CCNY: variants seen among roughly 807,000 people sequenced by gnomAD.
The protein encoded by CCNY is cyclin-Y.
Under a neutral mutation model 42.8 loss-of-function variants are expected in CCNY, and 19 were observed. That is an observed-to-expected ratio of 0.44 (90% CI 0.31 to 0.65). The LOEUF is 0.65. Among genes scored for constraint, CCNY ranks in the 30% least tolerant of loss-of-function variants. The probability of loss-of-function intolerance (pLI) is 0.07; values close to 1 mark genes in which losing one functional copy is unlikely to be tolerated. For missense variants in CCNY, 370 were observed against 437.3 expected (o/e 0.85, Z 1.37); for synonymous variants, 165 against 162.7 (o/e 1.01, Z -0.11).
chr10:35,386,891 C>T (rs948575364), intron 1 of CCNY, among the ~76,000 whole-genome samples: 1 of 152,024 alleles, frequency 6.6e-6, no homozygotes, highest in Non-Finnish European at 1.5e-5. Context: ...TGGTGCAATT[C>T]TCTGAAAGCG....
intron 3 of CCNY, among the ~76,000 whole-genome samples, chr10:35,319,011 G>A (rs997119210): frequency 3.3e-5 from 5 of 152,256 alleles, no homozygotes; most frequent in South Asian, 2.1e-4. Context: ...CACCTGGGCC[G>A]GAGTGCAGTG....
intron 3 of CCNY, among the ~76,000 whole-genome samples, chr10:35,252,828 G>T (rs2135022274): frequency 6.6e-6 from 1 of 152,244 alleles, no homozygotes; most frequent in East Asian, 1.9e-4. Flanking sequence ...TCGTCTTGTA[G>T]TTTGAGTCTT....
chr10:35,545,923 C>G (rs1841105812), intron 7 of CCNY, among the ~76,000 whole-genome samples: 1 of 151,640 alleles, frequency 6.6e-6, no homozygotes, highest in African/African-American at 2.4e-5. Context: ...ATAATAATTA[C>G]TTTTTTAAAT....
rs1841710500 is a variant in CCNY at position 35,572,646 on chromosome 10, A to C, written c.*3476A>C. ...ATTGTAGGTATTTAATAAATGTTAA[A>C]TAAATATATACATAGAACAAAGTAG... On this transcript the variant is annotated 3_prime_UTR_variant, in exon 10 of 10. Coordinates refer to ENST00000374704, the MANE Select transcript of CCNY (RefSeq NM_145012.6). 6.6e-6 allele frequency: 1 copy of C among 152,256 alleles called. No homozygotes were observed. The highest frequency in any genetic ancestry group is 2.1e-4 in the South Asian group (1 of 4,830). The allele number at this position is 152,256 out of a possible 1,614,324, so 9.4% of individuals were successfully genotyped here. A position where few individuals can be genotyped will look rare whatever the true frequency, so the allele number is the denominator to read the frequency against.
chr10:35,256,256 C>T (rs76991018), intron 3 of CCNY, among the ~76,000 whole-genome samples: 18,930 of 151,976 alleles, frequency 0.12, 1,273 homozygotes, highest in Middle Eastern at 0.16. Flanking sequence ...TGCCTTATAA[C>T]TTTTTTGTCC....
chr10:35,488,537 C>T (rs150725314), intron 2 of CCNY, among the ~76,000 whole-genome samples: 11 of 152,050 alleles, frequency 7.2e-5, no homozygotes, highest in African/African-American at 1.7e-4. Context: ...CTCAGTTGCT[C>T]GGTGTGTCTC....
At chr10:35,489,236 A>G (rs1430974877) in intron 2 of CCNY, among the ~76,000 whole-genome samples, 1 of 152,242 alleles carries the variant, frequency 6.6e-6, no homozygotes, top group Non-Finnish European at 1.5e-5. Context: ...AGATGCCTCT[A>G]TGGGTTGATA....
intron 3 of CCNY, among the ~76,000 whole-genome samples, chr10:35,304,143 A>G (rs1023258442): frequency 6.6e-6 from 1 of 152,148 alleles, no homozygotes; most frequent in Non-Finnish European, 1.5e-5. Context: ...CCTCCTGCAC[A>G]TGGGGGAGCT....
intron 3 of CCNY, among the ~76,000 whole-genome samples, chr10:35,319,263 C>T (rs887164075): frequency 6.6e-6 from 1 of 152,082 alleles, no homozygotes; most frequent in East Asian, 1.9e-4. Flanking sequence ...GCCTGTAATC[C>T]CAACAATTTG....
At chr10:35,448,487 T>G (rs953593907) in intron 1 of CCNY, among the ~76,000 whole-genome samples, 4 of 152,180 alleles carry the variant, frequency 2.6e-5, no homozygotes, top group African/African-American at 9.7e-5. Flanking sequence ...CTAAATAAAT[T>G]GGCATGTGTA....
chr10:35,346,942 G>T (rs1033745049), intron 1 of CCNY, among the ~76,000 whole-genome samples: 2 of 152,180 alleles, frequency 1.3e-5, no homozygotes, highest in African/African-American at 4.8e-5. Flanking sequence ...AGTTTGTAAA[G>T]AAACTTTTTT....
intron 3 of CCNY, among the ~76,000 whole-genome samples, chr10:35,299,412 C>A (rs2135071622): frequency 6.6e-6 from 1 of 152,328 alleles, no homozygotes; most frequent in East Asian, 1.9e-4. Context: ...CTTTCAAATT[C>A]TGTCAGTTTT....
intron 1 of CCNY, among the ~76,000 whole-genome samples, chr10:35,450,509 G>A (rs754198951): frequency 3.3e-5 from 5 of 152,054 alleles, no homozygotes; most frequent in African/African-American, 4.8e-5. Flanking sequence ...CCTGGGAGTT[G>A]TCAGCTTCTT....
chr10:35,489,637 T>A (rs1839858990), intron 2 of CCNY, among the ~76,000 whole-genome samples: 1 of 152,108 alleles, frequency 6.6e-6, no homozygotes, highest in African/African-American at 2.4e-5. Flanking sequence ...ATTTTTATTA[T>A]AGTCATATCA....
At chr10:35,463,224 C>G (rs902719286) in intron 1 of CCNY, among the ~76,000 whole-genome samples, 1 of 152,174 alleles carries the variant, frequency 6.6e-6, no homozygotes, top group Admixed American at 6.5e-5. Flanking sequence ...CCTTATTCAT[C>G]TAAAAAATAG....
intron 3 of CCNY, among the ~76,000 whole-genome samples, chr10:35,305,626 A>G (rs1304226593): frequency 6.6e-6 from 1 of 152,186 alleles, no homozygotes; most frequent in African/African-American, 2.4e-5. Flanking sequence ...CCATGGCTTC[A>G]TCTTCCTAAT....
chr10:35,549,815 C>T (rs1232337497), intron 7 of CCNY, among the ~76,000 whole-genome samples: 1 of 49,196 alleles, frequency 2.0e-5, no homozygotes, highest in African/African-American at 9.2e-5. Flanking sequence ...CTGCGCTGCT[C>T]ATGGCCCATG....
At chr10:35,467,883 G>A (rs894449328) in intron 1 of CCNY, among the ~76,000 whole-genome samples, 1 of 152,174 alleles carries the variant, frequency 6.6e-6, no homozygotes, top group Admixed American at 6.5e-5. Context: ...TCTATACAAT[G>A]CCTAACTCTG....
At chr10:35,545,752 G>C (rs959938459) in intron 7 of CCNY, among the ~76,000 whole-genome samples, 1 of 152,096 alleles carries the variant, frequency 6.6e-6, no homozygotes, top group Non-Finnish European at 1.5e-5. Context: ...TACCAGCAAG[G>C]AGGTTATTGC....
Sources: allele counts gnomAD v4.1 joint callset (sites outside exome capture counted in the v4.1 genomes callset), GRCh38; gene constraint gnomAD v4.1.1; transcripts MANE v1.5; gene names NCBI Gene and HGNC (gene_info 2026-07-23, HGNC 2026-07-21).